The following DHX36 variants were observed in gnomAD, a reference collection of about 807,000 sequenced individuals.
DHX36 encodes DEAH-box helicase 36.
A neutral mutation model predicts 139.0 loss-of-function variants in DHX36; 50 were observed. The observed-to-expected ratio is 0.36, with a 90% CI of 0.29 to 0.46. The LOEUF (loss-of-function observed/expected upper bound fraction) is 0.46, where lower values mean the gene tolerates loss of function less well. Ranked by LOEUF, DHX36 falls within the 20% of genes least tolerant of loss-of-function variation. The probability of loss-of-function intolerance (pLI) is 1.00; values close to 1 mark genes in which losing one functional copy is unlikely to be tolerated. For synonymous variants in DHX36, 425 were observed against 401.9 expected (o/e 1.06, Z -0.69); for missense variants, 1,024 against 1,211.3 (o/e 0.85, Z 2.29).
rs1452944079 is a variant in DHX36 at position 154,276,119 on chromosome 3, A to G, written c.*52T>C. 10 of 1,563,198 alleles carry G rather than the reference A, an allele frequency of 6.4e-6. No homozygotes were observed. The highest frequency in any genetic ancestry group is 8.7e-6 in the Non-Finnish European group (10 of 1,155,328). Reference sequence around the variant, plus strand: ...TTGGCATCCAGCCAAAATTTAAACAATGATGAAGAATGGCTGTCAAACTGG... The same window carrying G: ...TTGGCATCCAGCCAAAATTTAAACAGTGATGAAGAATGGCTGTCAAACTGG... On this transcript the variant is annotated 3_prime_UTR_variant, in exon 25 of 25. Coordinates refer to ENST00000496811, the MANE Select transcript of DHX36 (RefSeq NM_020865.3).
intron 20 of DHX36, among the ~76,000 whole-genome samples, chr3:154,281,586 T>C (rs1281298502): frequency 6.6e-6 from 1 of 152,078 alleles, no homozygotes; most frequent in African/African-American, 2.4e-5. Context: ...AAAAGTTAAA[T>C]AGAAAGGAAA....
At chr3:154,288,800 T>C (rs1711662316) in intron 17 of DHX36, 66 bp downstream of exon 17, 4 of 915,894 alleles carry the variant, frequency 4.4e-6, no homozygotes, top group Admixed American at 3.0e-5. Context: ...GTAAACATTA[T>C]AATTAACTGG....
At chr3:154,277,243 CAG>C (rs985041370) in intron 23 of DHX36, among the ~76,000 whole-genome samples, 35 of 151,952 alleles carry the variant, frequency 2.3e-4, no homozygotes, top group African/African-American at 8.2e-4. Flanking sequence ...TATAAATAAA[CAG>C]AATCTCAACA....
Position 154,276,061 on chromosome 3 carries a change from C to T in DHX36, c.*110G>A, listed in dbSNP as rs966233871. 7 of 1,012,812 alleles carry T rather than the reference C, an allele frequency of 6.9e-6. No individual in the cohort carries two copies. In the East Asian group the frequency reaches 9.7e-5, roughly 14 times the overall value. 62.7% of individuals were successfully genotyped at this position (1,012,812 alleles called of 1,614,324 possible). A position where few individuals can be genotyped will look rare whatever the true frequency, so the allele number is the denominator to read the frequency against. ...CTTTACTACCTACTGAAGGCTTCTA[C>T]CTTACACATGAAAATTGTTCATGTC... On this transcript the variant is annotated 3_prime_UTR_variant, in exon 25 of 25. Transcript: ENST00000496811.
chr3:154,294,759 C>A (rs1711964581), intron 13 of DHX36, among the ~76,000 whole-genome samples: 1 of 152,128 alleles, frequency 6.6e-6, no homozygotes, highest in South Asian at 2.1e-4. Flanking sequence ...CAAGAGCCTG[C>A]AAATACTGTA....
intron 12 of DHX36, among the ~76,000 whole-genome samples, chr3:154,297,465 C>A (rs2108348779): frequency 6.6e-6 from 1 of 152,308 alleles, no homozygotes; most frequent in East Asian, 1.9e-4. Context: ...GCAATCCCAG[C>A]ACTTTGAGAG....
chr3:154,280,689 A>G lies in DHX36; in HGVS notation c.2477-20T>C. 1 of 1,607,434 alleles carries G rather than the reference A, an allele frequency of 6.2e-7. No individual in the cohort carries two copies. ...CATTATCTATGGGGGGTGAGAAGGT[A>G]GAGGGGAAAAGAAAAGTAAAATACT... On this transcript the variant is annotated intron_variant, in intron 21 of 24. Transcript: ENST00000496811.
intron 12 of DHX36, among the ~76,000 whole-genome samples, chr3:154,297,899 G>A (rs1312470982): frequency 6.6e-6 from 1 of 151,944 alleles, no homozygotes; most frequent in Non-Finnish European, 1.5e-5. Context: ...ATACTCTTAT[G>A]AAAAGAAAAA....
intron 2 of DHX36, 118 bp downstream of exon 2, chr3:154,315,920 CA>C: frequency 8.1e-7 from 1 of 1,229,810 alleles, no homozygotes; most frequent in Middle Eastern, 2.6e-4. Context: ...GTTTAATCTA[CA>C]TAAGGAAAAA....
intron 3 of DHX36, among the ~76,000 whole-genome samples, chr3:154,314,416 A>G (rs763609643): frequency 2.0e-5 from 3 of 152,218 alleles, no homozygotes; most frequent in Non-Finnish European, 4.4e-5. Context: ...TTTACATATT[A>G]AAGATATGGC....
At chr3:154,311,119 G>A (rs1712747783) in intron 4 of DHX36, among the ~76,000 whole-genome samples, 1 of 151,274 alleles carries the variant, frequency 6.6e-6, no homozygotes, top group South Asian at 2.1e-4. Context: ...ACAAACAGAT[G>A]TCAGGTGGTA....
chr3:154,323,089 C>A (rs1713258918), intron 1 of DHX36, among the ~76,000 whole-genome samples: 1 of 152,100 alleles, frequency 6.6e-6, no homozygotes, highest in African/African-American at 2.4e-5. Context: ...AATCCCAGCA[C>A]TTTGGGAGGC....
chr3:154,316,518 TAA>T (rs2108366513), intron 1 of DHX36, among the ~76,000 whole-genome samples: 2 of 152,184 alleles, frequency 1.3e-5, no homozygotes, highest in South Asian at 4.1e-4. Flanking sequence ...TCAAAGTTAT[TAA>T]AACTCAAATG....
intron 5 of DHX36, among the ~76,000 whole-genome samples, chr3:154,307,844 A>C (rs1168509380): frequency 6.6e-6 from 1 of 152,106 alleles, no homozygotes; most frequent in Non-Finnish European, 1.5e-5. Context: ...AGTACTATTC[A>C]TAACAGTAAA....
chr3:154,295,464 T>C, intron 12 of DHX36, 125 bp from the exon 13 acceptor site: 1 of 449,508 alleles, frequency 2.2e-6, no homozygotes. Flanking sequence ...CATTGAACAT[T>C]ATTTAATGAA....
At chr3:154,311,460 T>C (rs146152045) in intron 4 of DHX36, among the ~76,000 whole-genome samples, 176 bp downstream of exon 4, 4 of 152,170 alleles carry the variant, frequency 2.6e-5, no homozygotes, top group South Asian at 4.1e-4. Context: ...ATGAGGAAAA[T>C]TGTTTATGAA....
Position 154,300,629 on chromosome 3 carries a change from C to T in DHX36, c.1426G>A (p.Val476Ile), listed in dbSNP as rs758993869. The T allele has an allele frequency of 6.2e-7, 1 of 1,613,618 alleles. No individual in the cohort carries two copies. Among genetic ancestry groups the T allele is most frequent in the African/African-American group, 1.3e-5 (1 of 74,896 alleles). Reference sequence around the variant, plus strand: ...AAAACAATGTATCGGATGAGGGCAACAATCAAATTCAGATCAACTTTATCA... The same window carrying T: ...AAAACAATGTATCGGATGAGGGCAATAATCAAATTCAGATCAACTTTATCA... ...EDDKVDLNLI[V>I]ALIRYIVLEE... Residue 476 changes from valine to isoleucine, a missense_variant, in exon 11 of 25, where the codon GTT becomes ATT. Coordinates refer to ENST00000496811, the MANE Select transcript of DHX36 (RefSeq NM_020865.3).
At chr3:154,281,132 T>C (rs1454134233) in intron 20 of DHX36, among the ~76,000 whole-genome samples, 1 of 152,146 alleles carries the variant, frequency 6.6e-6, no homozygotes, top group Non-Finnish European at 1.5e-5. Flanking sequence ...TCTTATGGCC[T>C]GTAAGCCTAA....
intron 22 of DHX36, 163 bp from the exon 23 acceptor site, chr3:154,277,881 ATATATT>A (rs888417608): frequency 2.3e-5 from 12 of 530,534 alleles, no homozygotes; most frequent in African/African-American, 1.3e-4. Context: ...TTGCAAAAAA[ATATATT>A]TATATTTGAG....
Sources: allele counts gnomAD v4.1 joint callset (sites outside exome capture counted in the v4.1 genomes callset), GRCh38; gene constraint gnomAD v4.1.1; transcripts MANE v1.5; gene names NCBI Gene and HGNC (gene_info 2026-07-23, HGNC 2026-07-21).